GLDC: variants seen among roughly 807,000 people sequenced by gnomAD.
GLDC encodes the protein glycine dehydrogenase (decarboxylating), mitochondrial.
In GLDC, 104 loss-of-function variants were observed where a neutral mutation model predicts 121.3. That is an observed-to-expected ratio of 0.86 (90% CI 0.73 to 1.01). GLDC has a LOEUF of 1.01. Among genes scored for constraint, GLDC ranks in the 50% least tolerant of loss-of-function variants. GLDC has a pLI of 0.00. For synonymous variants in GLDC, 546 were observed against 480.6 expected (o/e 1.14, Z -1.78); for missense variants, 1,429 against 1,306.6 (o/e 1.09, Z -1.44).
intron 2 of GLDC, among the ~76,000 whole-genome samples, chr9:6,637,940 TA>T (rs1819540836): frequency 6.6e-6 from 1 of 151,540 alleles, no homozygotes; most frequent in Non-Finnish European, 1.5e-5. Flanking sequence ...CCACCCACCT[TA>T]ACCTCCCAAA....
chr9:6,585,010 C>CATG (rs1818240395), intron 15 of GLDC: 1 of 152,212 alleles, frequency 6.6e-6, no homozygotes, highest in African/African-American at 2.4e-5. Flanking sequence ...CAGTTGGAAT[C>CATG]ATGTAGGGAA....
intron 2 of GLDC, among the ~76,000 whole-genome samples, chr9:6,644,029 CAAAAAAAAAAAA>C: frequency 5.5e-5 from 1 of 18,338 alleles, no homozygotes; most frequent in Non-Finnish European, 9.8e-5. Flanking sequence ...GATTCTGTCT[CAAAAAAAAAAAA>C]AAAAAAAAAC....
At chr9:6,644,741 T>C in intron 1 of GLDC, 49 bp from the exon 2 acceptor site, 1 of 1,278,562 alleles carries the variant, frequency 7.8e-7, no homozygotes, top group Non-Finnish European at 1.1e-6. Context: ...GTTAAAAGAG[T>C]CACCTCTGTG....
At chr9:6,589,026 T>C (rs887067335) in intron 12 of GLDC, among the ~76,000 whole-genome samples, 169 bp downstream of exon 12, 1 of 152,216 alleles carries the variant, frequency 6.6e-6, no homozygotes, top group African/African-American at 2.4e-5. Context: ...AAACAAAGTG[T>C]GCTTTTCCCA....
intron 2 of GLDC, among the ~76,000 whole-genome samples, chr9:6,624,649 T>C (rs1819194143): frequency 4.6e-5 from 7 of 152,218 alleles, no homozygotes; most frequent in Admixed American, 4.6e-4. Flanking sequence ...CAGTCATTTT[T>C]AGGAGACACG....
chr9:6,568,571 G>GGCGTGGTGGCTCACACCTGTT (rs1817894482), intron 15 of GLDC, among the ~76,000 whole-genome samples: 1 of 152,140 alleles, frequency 6.6e-6, no homozygotes, highest in Non-Finnish European at 1.5e-5. Context: ...CTCCATGCCG[G>GGCGTGGTGGCTCACACCTGTT]GCGTGGTGGC....
chr9:6,551,740 C>A (rs746576369), intron 20 of GLDC, among the ~76,000 whole-genome samples: 9 of 151,570 alleles, frequency 5.9e-5, no homozygotes, highest in Non-Finnish European at 8.8e-5. Flanking sequence ...AGAAGGTATA[C>A]CAGGTGAGAA....
At chr9:6,540,577 C>G (rs1439951131) in intron 21 of GLDC, 1 of 196,114 alleles carries the variant, frequency 5.1e-6, no homozygotes, top group Non-Finnish European at 1.1e-5. Context: ...ACTTTACCCT[C>G]AACATCAAAT....
chr9:6,564,933 T>C (rs188261543), intron 16 of GLDC, among the ~76,000 whole-genome samples: 47 of 152,358 alleles, frequency 3.1e-4, no homozygotes, highest in African/African-American at 1.0e-3. Context: ...TGTTTGAGCA[T>C]ACTATGACCA....
chr9:6,555,056 T>TA (rs1817594165), intron 18 of GLDC: 1 of 501,020 alleles, frequency 2.0e-6, no homozygotes, highest in Non-Finnish European at 3.6e-6. Context: ...ACACAGTCTC[T>TA]TCCTAATTAT....
intron 15 of GLDC, among the ~76,000 whole-genome samples, chr9:6,568,143 T>C (rs748867376): frequency 1.3e-5 from 2 of 152,192 alleles, no homozygotes; most frequent in Non-Finnish European, 2.9e-5. Context: ...GAGCCAGTAG[T>C]GTAGGAGAAA....
intron 24 of GLDC, among the ~76,000 whole-genome samples, chr9:6,533,432 T>A (rs1260365219): frequency 6.6e-6 from 1 of 152,244 alleles, no homozygotes; most frequent in East Asian, 1.9e-4. Context: ...CTTCAACTGC[T>A]TAAAGAAGAC....
Position 6,619,995 on chromosome 9 carries a change from C to G in GLDC, c.470+189G>C, listed in dbSNP as rs4740853. Among the ~76,000 whole-genome samples the G allele has an allele frequency of 0.15, 22,344 of 152,220 alleles. 1,714 individuals carry two copies. The highest frequency in any genetic ancestry group is 0.28 in the South Asian group (1,370 of 4,820). ...TGGGACTGGAAGTGGGAAGAAACTT[C>G]TATTTCCTCAACATTTGAGCAAGAA... On this transcript the variant is annotated intron_variant, in intron 3 of 24. Coordinates refer to ENST00000321612, the MANE Select transcript of GLDC (RefSeq NM_000170.3).
intron 8 of GLDC, among the ~76,000 whole-genome samples, chr9:6,601,037 G>T (rs987108212): frequency 2.6e-5 from 4 of 152,182 alleles, no homozygotes; most frequent in African/African-American, 9.7e-5. Context: ...GCCTGGCGCT[G>T]TGGCAGGCGC....
chr9:6,639,159 A>G (rs1819573783), intron 2 of GLDC: 1 of 767,708 alleles, frequency 1.3e-6, no homozygotes, highest in Non-Finnish European at 2.3e-6. Context: ...GAAAGCGAAG[A>G]AGGAAGCTCC....
At chr9:6,536,696 G>A (rs1452731792) in intron 22 of GLDC, among the ~76,000 whole-genome samples, 1 of 152,080 alleles carries the variant, frequency 6.6e-6, no homozygotes, top group East Asian at 1.9e-4. Context: ...CTTTCACTTC[G>A]ATTGTATTTT....
Position 6,644,203 on chromosome 9 carries a change from TG to T in GLDC, c.334+410del. On this transcript the variant is annotated intron_variant, in intron 2 of 24. Transcript: ENST00000321612. ...GCCTGGGGGAGGGAGGCGAGATGTCTGGTCACTTCCCCAGTTGCACGACCTT... is the reference window on the plus strand; with the variant it reads ...GCCTGGGGGAGGGAGGCGAGATGTCTGTCACTTCCCCAGTTGCACGACCTT... Among the ~76,000 whole-genome samples, 4 of 152,040 alleles carry T rather than the reference TG, an allele frequency of 2.6e-5. 1 individual carries two copies. In the South Asian group the frequency reaches 8.3e-4, roughly 32 times the overall value.
intron 2 of GLDC, among the ~76,000 whole-genome samples, chr9:6,634,237 AAAC>A (rs1325151179): frequency 1.3e-5 from 2 of 151,938 alleles, no homozygotes; most frequent in African/African-American, 4.8e-5. Context: ...AAAAAGAAAA[AAAC>A]AAACAAACCC....
chr9:6,572,917 T>C (rs1363847600), intron 15 of GLDC, among the ~76,000 whole-genome samples: 1 of 152,194 alleles, frequency 6.6e-6, no homozygotes, highest in East Asian at 1.9e-4. Context: ...AAGTCACTCA[T>C]TCCCAGGCAG....
Sources: gnomAD v4.1 joint callset for allele counts (sites outside exome capture counted in the v4.1 genomes callset) on GRCh38, gnomAD v4.1.1 for gene constraint, MANE v1.5 for transcripts, NCBI Gene and HGNC (gene_info 2026-07-23, HGNC 2026-07-21) for gene names.